SPP1: variants seen among roughly 807,000 people sequenced by gnomAD.
The protein encoded by SPP1 is secreted phosphoprotein 1.
A neutral mutation model predicts 20.8 loss-of-function variants in SPP1; 18 were observed. The observed-to-expected ratio is 0.87, with a 90% CI of 0.60 to 1.29. The LOEUF is 1.29. Ranked by LOEUF, SPP1 falls within the 50% of genes most tolerant of loss-of-function variation. The probability of loss-of-function intolerance (pLI) is 0.00; values close to 1 mark genes in which losing one functional copy is unlikely to be tolerated. For missense variants in SPP1, 363 were observed against 389.0 expected, an observed-to-expected ratio of 0.93 and a Z score of 0.56; for synonymous variants, 146 against 141.5, an observed-to-expected ratio of 1.03 and a Z score of -0.23.
At chr4:87,980,564 T>A in intron 5 of SPP1, 130 bp downstream of exon 5, 1 of 882,932 alleles carries the variant, frequency 1.1e-6, no homozygotes, top group South Asian at 1.7e-5. Flanking sequence ...AACTTGCTCA[T>A]AAATAAAACA....
rs1230668291 is a variant in SPP1 at position 87,982,638 on chromosome 4, G to C, written c.687G>C (p.Gln229His). ...GGAAGGACAGTTATGAAACGAGTCA[G>C]CTGGATGACCAGAGTGCTGAAACCC... ...SRGKDSYETS[Q>H]LDDQSAETHS... Residue 229 changes from glutamine (Q) to histidine (H), a missense_variant, in exon 7 of 7, where the codon CAG becomes CAC. Physicochemically the swap from Gln to His is conservative, Grantham distance 24. Coordinates refer to ENST00000395080, the MANE Select transcript of SPP1 (RefSeq NM_001040058.2). 1 of 1,614,154 alleles carries C rather than the reference G, an allele frequency of 6.2e-7. No homozygotes were observed.
intron 5 of SPP1, among the ~76,000 whole-genome samples, chr4:87,980,986 C>T (rs900563858): frequency 1.3e-5 from 2 of 152,130 alleles, no homozygotes; most frequent in Admixed American, 6.5e-5. Context: ...GCAGTTTATA[C>T]ACACATGCAT....
At position 87,981,489 on chromosome 4, in the gene SPP1, G is replaced by A. The variant is rs751027602; in HGVS notation, c.231G>A (p.Lys77=). ...TTAATTTTCAGACCCTTCCAAGTAAGTCCAACGAAAGCCATGACCACATGG... is the reference window on the plus strand; with the variant it reads ...TTAATTTTCAGACCCTTCCAAGTAAATCCAACGAAAGCCATGACCACATGG... The part of the protein sequence containing the change: ...NDFKQETLPS[K]SNESHDHMDD... The change falls in exon 6 of 7, where the codon AAG becomes AAA. Residue 77 remains lysine (K), a synonymous_variant. Transcript: ENST00000395080. 11 of 1,614,018 alleles carry A rather than the reference G, an allele frequency of 6.8e-6. No homozygotes were observed. The highest frequency in any genetic ancestry group is 9.3e-6 in the Non-Finnish European group (11 of 1,179,932).
In SPP1 at chr4:87,976,929, G is replaced by A; in HGVS notation, c.34G>A (p.Gly12Ser). 3 of 1,613,632 alleles carry A rather than the reference G, an allele frequency of 1.9e-6. No individual in the cohort carries two copies. Among genetic ancestry groups the A allele is most frequent in the Admixed American group, 3.3e-5 (2 of 60,004 alleles). Reference sequence around the variant, plus strand: ...TGCAGTGATTTGCTTTTGCCTCCTAGGCATCACCTGTGCCATACCAGTGAG... The same window carrying A: ...TGCAGTGATTTGCTTTTGCCTCCTAAGCATCACCTGTGCCATACCAGTGAG... ...RIAVICFCLL[G>S]ITCAIPVKQA... Residue 12 changes from glycine (G) to serine (S), a missense_variant, in exon 2 of 7, where the codon GGC becomes AGC. By Grantham distance (56) the Gly-to-Ser change is moderately conservative. Transcript: ENST00000395080.
At position 87,981,720 on chromosome 4, in the gene SPP1, C is replaced by T. The variant is rs1725655568; in HGVS notation, c.462C>T (p.Asp154=). The change falls in exon 6 of 7, where the codon GAC becomes GAT. Residue 154 remains aspartate, a synonymous_variant. Transcript: ENST00000395080. ...TCACTCCAGTTGTCCCCACAGTAGA[C>T]ACATATGATGGCCGAGGTGATAGTG... is the stretch of plus-strand genomic sequence containing the variant. The part of the protein sequence containing the change: ...EVFTPVVPTV[D]TYDGRGDSVV... 4 of 1,614,176 alleles carry T rather than the reference C, an allele frequency of 2.5e-6. No individual in the cohort carries two copies. The highest frequency in any genetic ancestry group is 3.4e-6 in the Non-Finnish European group (4 of 1,180,020).
intron 3 of SPP1, chr4:87,977,730 C>G: frequency 1.6e-6 from 2 of 1,282,116 alleles, no homozygotes; most frequent in Non-Finnish European, 2.0e-6. Context: ...TGGGCATTGT[C>G]CCCAGAAGCT....
At chr4:87,980,754 T>A in intron 5 of SPP1, 1 of 261,924 alleles carries the variant, frequency 3.8e-6, no homozygotes, top group Non-Finnish European at 7.1e-6. Flanking sequence ...AGATTTTGCC[T>A]TTAGGAAAGT....
rs1188317377 is a variant in SPP1 at position 87,981,629 on chromosome 4, A to C, written c.371A>C (p.His124Pro). 1.2e-6 allele frequency: 2 copies of C among 1,614,062 alleles called. No individual in the cohort carries two copies. Among genetic ancestry groups the C allele is most frequent in the Non-Finnish European group, 1.7e-6 (2 of 1,180,040 alleles). Residue 124 changes from histidine (H) to proline (P), a missense_variant, in exon 6 of 7, where the codon CAC (histidine) becomes CCC (proline). Physicochemically the swap from His to Pro is moderately conservative, Grantham distance 77. Transcript: ENST00000395080. ...TDDSHQSDES[H>P]HSDESDELVT... ...GATTCTCACCAGTCTGATGAGTCTCACCATTCTGATGAATCTGATGAACTG... is the reference window on the plus strand; with the variant it reads ...GATTCTCACCAGTCTGATGAGTCTCCCCATTCTGATGAATCTGATGAACTG...
chr4:87,982,233 T>A (rs1023092691), intron 6 of SPP1, among the ~76,000 whole-genome samples: 5 of 152,146 alleles, frequency 3.3e-5, no homozygotes, highest in African/African-American at 4.8e-5. Context: ...ACTTCCTCTT[T>A]ATGTAGGTTT....
At chr4:87,979,928 G>A in intron 3 of SPP1, 118 bp from the exon 4 acceptor site, 1 of 914,490 alleles carries the variant, frequency 1.1e-6, no homozygotes, top group Non-Finnish European at 1.6e-6. Context: ...TTACAAAAAG[G>A]TACCTAAGGG....
Position 87,980,035 on chromosome 4 carries a change from C to A in SPP1, c.94-11C>A. On this transcript the variant is annotated splice_polypyrimidine_tract_variant and intron_variant, in intron 3 of 6. Coordinates refer to ENST00000395080, the MANE Select transcript of SPP1 (RefSeq NM_001040058.2). ...TTTTTTAATAATGATAAACATGCAA[C>A]TTTTTTGTAGCTTTACAACAAATAC... 6.2e-7 allele frequency: 1 copy of A among 1,612,492 alleles called. No homozygotes were observed. Among genetic ancestry groups the A allele is most frequent in the Non-Finnish European group, 8.5e-7 (1 of 1,179,574 alleles).
Position 87,980,130 on chromosome 4 carries a change from T to C in SPP1, c.174+4T>C. The C allele has an allele frequency of 6.2e-7, 1 of 1,614,098 alleles. No individual in the cohort carries two copies. The highest frequency in any genetic ancestry group is 2.2e-5 in the East Asian group (1 of 44,886). On this transcript the variant is annotated splice_donor_region_variant and intron_variant, in intron 4 of 6. Transcript: ENST00000395080. The stretch of plus-strand genomic sequence containing the variant: ...GCAGAATCTCCTAGCCCCACAGGTA[T>C]TTTTAAACTTCTCATAATTAAACTA...
chr4:87,982,499 A>G lies in SPP1; in HGVS notation c.548A>G (p.Asp183Gly). 6.2e-7 allele frequency: 1 copy of G among 1,613,044 alleles called. No individual in the cohort carries two copies. The highest frequency in any genetic ancestry group is 8.5e-7 in the Non-Finnish European group (1 of 1,179,182). ...ATTTGTGCCGTGATTCAGTACCCTG[A>G]TGCTACAGACGAGGACATCACCTCA... is the stretch of plus-strand genomic sequence containing the variant. ...KFRRPDIQYPDATDEDITSHM... is the reference protein window; with the variant it reads ...KFRRPDIQYPGATDEDITSHM... Residue 183 changes from aspartate to glycine, a missense_variant, in exon 7 of 7, where the codon GAT becomes GGT. By Grantham distance (94) the Asp-to-Gly change is moderately conservative. Transcript: ENST00000395080.
intron 5 of SPP1, among the ~76,000 whole-genome samples, chr4:87,981,241 T>C (rs1254250286): frequency 2.6e-5 from 4 of 152,192 alleles, no homozygotes; most frequent in Non-Finnish European, 5.9e-5. Context: ...AAAATATCTA[T>C]AAAAATAATT....
At position 87,983,080 on chromosome 4, in the gene SPP1, T is replaced by C; in HGVS notation, c.*184T>C. On this transcript the variant is annotated 3_prime_UTR_variant, in exon 7 of 7. Transcript: ENST00000395080. ...AGTTTGTGGCTTCATGGAAACTCCC[T>C]GTAAACTAAAAGCTTCAGGGTTATG... The C allele has an allele frequency of 1.6e-6, 1 of 619,480 alleles. No homozygotes were observed. The highest frequency in any genetic ancestry group is 2.7e-6 in the Non-Finnish European group (1 of 372,332). 38.4% of individuals were successfully genotyped at this position (619,480 alleles called of 1,614,324 possible).
At chr4:87,975,985 CCAAT>C (rs1269167239) in intron 1 of SPP1, among the ~76,000 whole-genome samples, 185 bp downstream of exon 1, 2 of 152,048 alleles carry the variant, frequency 1.3e-5, no homozygotes, top group Non-Finnish European at 2.9e-5. Context: ...ATTTTGAATG[CCAAT>C]CAAATTTAAA....
intron 6 of SPP1, among the ~76,000 whole-genome samples, 186 bp downstream of exon 6, chr4:87,981,984 A>G (rs1725668493): frequency 6.6e-6 from 1 of 152,076 alleles, no homozygotes. Flanking sequence ...AAGTCTACAT[A>G]ATTTCTCTCT....
intron 5 of SPP1, 91 bp from the exon 6 acceptor site, chr4:87,981,384 A>G: frequency 8.3e-7 from 1 of 1,207,140 alleles, no homozygotes; most frequent in Non-Finnish European, 1.2e-6. Context: ...AAACTAAATA[A>G]AAAGAAAGAT....
rs188680395 is a variant in SPP1, at chr4:87,976,203, T to G, written c.-15+403T>G. 1.3e-3 allele frequency among the ~76,000 whole-genome samples: 205 copies of G among 152,360 alleles called. 1 individual carries two copies. The highest frequency in any genetic ancestry group is 4.7e-3 in the African/African-American group (197 of 41,574). On this transcript the variant is annotated intron_variant, in intron 1 of 6. Coordinates refer to ENST00000395080, the MANE Select transcript of SPP1 (RefSeq NM_001040058.2). ...TTTTTTAAATGATGTATCTCACTTT[T>G]AAGGGGAAGAAAACCCTTTCTGAAT...
Sources: gnomAD v4.1 joint callset for allele counts (sites outside exome capture counted in the v4.1 genomes callset) on GRCh38, gnomAD v4.1.1 for gene constraint, MANE v1.5 for transcripts, NCBI Gene and HGNC (gene_info 2026-07-23, HGNC 2026-07-21) for gene names.